Variants in OGG1 observed in about 807,000 individuals in gnomAD.
OGG1 encodes the protein 8-oxoguanine DNA glycosylase.
In OGG1, 35 loss-of-function variants were observed where a neutral mutation model predicts 42.3. That is an observed-to-expected ratio of 0.83 (90% confidence interval 0.63 to 1.10). OGG1 has a LOEUF of 1.10. Among genes scored for constraint, OGG1 ranks in the 50% least tolerant of loss-of-function variants. The pLI is 0.00. For missense variants in OGG1, 484 were observed against 446.7 expected, an observed-to-expected ratio of 1.08 and a Z score of -0.75; for synonymous variants, 189 against 179.0, an observed-to-expected ratio of 1.06 and a Z score of -0.44.
At chr3:9,781,694 A>G in intron 3 of OGG1, 4 of 428,642 alleles carry the variant, frequency 9.3e-6, no homozygotes, top group South Asian at 4.7e-5. Flanking sequence ...GATTGAGTCC[A>G]GCCTGCCAGT....
chr3:9,785,287 CTG>C (rs1559717824), intron 3 of OGG1: 7 of 1,561,368 alleles, frequency 4.5e-6, no homozygotes, highest in Non-Finnish European at 6.2e-6. Flanking sequence ...GGGGGCCAGA[CTG>C]TGGGTTGTGG....
At chr3:9,756,040 C>T (rs943250888) in intron 4 of OGG1, among the ~76,000 whole-genome samples, 6 of 152,142 alleles carry the variant, frequency 3.9e-5, no homozygotes, top group East Asian at 2.0e-4. Context: ...TCATAGGCCG[C>T]GCATGGTGGC....
intron 2 of OGG1, among the ~76,000 whole-genome samples, chr3:9,776,925 T>C (rs2078372983): frequency 1.3e-5 from 2 of 152,162 alleles, no homozygotes; most frequent in South Asian, 2.1e-4. Context: ...ACGAGTGAGT[T>C]ACAGTCCACT....
chr3:9,774,449 CTTTT>C (rs954479032), intron 2 of OGG1, among the ~76,000 whole-genome samples: 1 of 148,304 alleles, frequency 6.7e-6, no homozygotes, highest in Non-Finnish European at 1.5e-5. Flanking sequence ...ACTTTTGTTA[CTTTT>C]TTTTAACTTT....
chr3:9,759,947 T>G (rs1246559118), downstream of OGG1: 3 of 749,268 alleles, frequency 4.0e-6, no homozygotes, highest in Non-Finnish European at 6.3e-6. Context: ...CTTTCTCTCT[T>G]AAGAAAAACA....
At chr3:9,755,764 T>C (rs973283130) in intron 4 of OGG1, among the ~76,000 whole-genome samples, 1 of 152,138 alleles carries the variant, frequency 6.6e-6, no homozygotes, top group Non-Finnish European at 1.5e-5. Flanking sequence ...CCAGCCTTTT[T>C]TTTTCTTTAT....
At chr3:9,786,861 CTATA>C in intron 3 of OGG1, 1 of 673,220 alleles carries the variant, frequency 1.5e-6, no homozygotes, top group East Asian at 2.6e-5. Flanking sequence ...CAATCTTTTG[CTATA>C]TATTAGTCCA....
chr3:9,790,041 G>T, downstream of OGG1: 1 of 1,480,266 alleles, frequency 6.8e-7, no homozygotes. Context: ...AATAAATTAG[G>T]ATCTAGAATC....
chr3:9,763,335 G>A (rs1190710467), intron 7 of OGG1: 1 of 1,176,406 alleles, frequency 8.5e-7, no homozygotes, highest in Admixed American at 2.0e-5. Context: ...CAAAGCTGCA[G>A]TCTGTTATGA....
exon 8 of OGG1, chr3:9,765,887 C>G: frequency 1.2e-6 from 2 of 1,614,148 alleles, no homozygotes; most frequent in Non-Finnish European, 1.7e-6. Flanking sequence ...CCGAGAAGGC[C>G]CCCCTATCGG....
chr3:9,790,506 C>T (rs528742478), downstream of OGG1, among the ~76,000 whole-genome samples: 24 of 152,362 alleles, frequency 1.6e-4, no homozygotes, highest in African/African-American at 5.5e-4. Flanking sequence ...ATGACCATCA[C>T]ACCTTGTCTC....
intron 7 of OGG1, among the ~76,000 whole-genome samples, chr3:9,765,409 T>C (rs1488256546): frequency 2.0e-5 from 3 of 151,964 alleles, no homozygotes; most frequent in Non-Finnish European, 4.4e-5. Flanking sequence ...ACTTGCTGAG[T>C]GGTTTTAATA....
intron 3 of OGG1, among the ~76,000 whole-genome samples, chr3:9,753,381 G>A (rs1036063470): frequency 6.6e-6 from 1 of 150,524 alleles, no homozygotes; most frequent in African/African-American, 2.4e-5. Flanking sequence ...GGCCGGGCGT[G>A]GTGGCTCACA....
chr3:9,759,356 G>T, downstream of OGG1: 5 of 1,538,398 alleles, frequency 3.3e-6, no homozygotes, highest in Non-Finnish European at 4.5e-6. Flanking sequence ...AATGAATGAA[G>T]TCCTTCAGTA....
In OGG1 at chr3:9,785,788, C is replaced by A. The variant is rs554723116; in HGVS notation, c.383-1940C>A. ...TCTTCTTTCCTCCACGGCAGCTAGG[C>A]AATGCCTGTCCAGTTGTACTTCCCA... On this transcript the variant is annotated intron_variant, in intron 3 of 3. Transcript: ENST00000426518. 3.3e-5 allele frequency among the ~76,000 whole-genome samples: 5 copies of A among 152,342 alleles called. No individual in the cohort carries two copies. The South Asian group carries it at 1.0e-3, about 32-fold the overall frequency.
In OGG1 at chr3:9,754,807, C is replaced by T. The variant is rs1234167265; in HGVS notation, c.669C>T (p.Ala223=). 2 of 1,613,216 alleles carry T rather than the reference C, an allele frequency of 1.2e-6. No homozygotes were observed. The highest frequency in any genetic ancestry group is 1.7e-6 in the Non-Finnish European group (2 of 1,179,724). ...RAILEEQGGL[A]WLQQLRESSY... Reference sequence around the variant, plus strand: ...TCCTGGAAGAACAGGGCGGGCTAGCCTGGCTGCAGCAGCTACGAGAGTCCT... The same window carrying T: ...TCCTGGAAGAACAGGGCGGGCTAGCTTGGCTGCAGCAGCTACGAGAGTCCT... Residue 223 remains alanine, a synonymous_variant, in exon 4 of 7, where the codon GCC becomes GCT. Transcript: ENST00000344629.
downstream of OGG1, chr3:9,761,838 C>G (rs919173833): frequency 6.1e-5 from 94 of 1,552,988 alleles, no homozygotes; most frequent in Non-Finnish European, 5.9e-5. Flanking sequence ...CAAGCACCTT[C>G]TGAGAAATAA....
chr3:9,790,303 A>G (rs888018786), downstream of OGG1, among the ~76,000 whole-genome samples: 2 of 152,212 alleles, frequency 1.3e-5, no homozygotes, highest in Non-Finnish European at 2.9e-5. Flanking sequence ...CCTTCTCTCA[A>G]TCAGTTACCC....
chr3:9,754,430 G>A (rs1211202757), intron 3 of OGG1, among the ~76,000 whole-genome samples: 1 of 152,188 alleles, frequency 6.6e-6, no homozygotes, highest in African/African-American at 2.4e-5. Flanking sequence ...CAGTTGGGGA[G>A]CTCCTCAAGG....
Sources: gnomAD v4.1 joint callset for allele counts (sites outside exome capture counted in the v4.1 genomes callset) on GRCh38, gnomAD v4.1.1 for gene constraint, MANE v1.5 for transcripts, NCBI Gene and HGNC (gene_info 2026-07-23, HGNC 2026-07-21) for gene names.